Variants in ARB2A observed in about 807,000 individuals in gnomAD.
The protein encoded by ARB2A is cotranscriptional regulator ARB2A.
the ARB2A span, among the ~76,000 whole-genome samples, chr5:94,031,350 T>C: frequency 2.6e-5 from 4 of 152,114 alleles, no homozygotes; most frequent in South Asian, 6.2e-4. Flanking sequence ...AAAGAATATC[T>C]TACTAAGAAC....
At chr5:93,999,105 C>A in the ARB2A span, among the ~76,000 whole-genome samples, 1 of 151,882 alleles carries the variant, frequency 6.6e-6, no homozygotes, top group Non-Finnish European at 1.5e-5. Flanking sequence ...TGTAATTAAA[C>A]TTTATAACAT....
At chr5:93,640,208 G>C in the ARB2A span, among the ~76,000 whole-genome samples, 1 of 151,588 alleles carries the variant, frequency 6.6e-6, no homozygotes. Flanking sequence ...CAGCACTTTG[G>C]GAGACTGAGG....
At chr5:93,939,708 T>A in the ARB2A span, among the ~76,000 whole-genome samples, 1 of 152,102 alleles carries the variant, frequency 6.6e-6, no homozygotes, top group East Asian at 1.9e-4. Context: ...CTACAAATAT[T>A]AATTTTCTTC....
the ARB2A span, among the ~76,000 whole-genome samples, chr5:93,755,837 T>G: frequency 6.6e-6 from 1 of 152,150 alleles, no homozygotes; most frequent in African/African-American, 2.4e-5. Context: ...AGGAAATCTC[T>G]AGCTGAACTT....
At chr5:93,711,866 G>A in the ARB2A span, among the ~76,000 whole-genome samples, 1 of 152,226 alleles carries the variant, frequency 6.6e-6, no homozygotes, top group Non-Finnish European at 1.5e-5. Context: ...AAATTCAGTG[G>A]GAAACCAACC....
chr5:94,014,449 G>A, the ARB2A span, among the ~76,000 whole-genome samples: 3 of 152,100 alleles, frequency 2.0e-5, no homozygotes, highest in African/African-American at 7.2e-5. Context: ...AGAGAAGACT[G>A]GAATAACTAA....
At chr5:93,644,607 T>C in the ARB2A span, among the ~76,000 whole-genome samples, 3 of 152,172 alleles carry the variant, frequency 2.0e-5, no homozygotes, top group Non-Finnish European at 2.9e-5. Context: ...AAAAACAGAA[T>C]ATAAAGTATT....
At chr5:93,835,278 C>T in the ARB2A span, among the ~76,000 whole-genome samples, 1 of 152,202 alleles carries the variant, frequency 6.6e-6, no homozygotes, top group East Asian at 1.9e-4. Flanking sequence ...ATGGAATTAT[C>T]TAAACAACAT....
the ARB2A span, among the ~76,000 whole-genome samples, chr5:93,786,742 G>T: frequency 6.6e-6 from 1 of 152,114 alleles, no homozygotes; most frequent in Non-Finnish European, 1.5e-5. Context: ...TCTGCTTCTT[G>T]CATTTATTAG....
chr5:93,843,559 G>A, the ARB2A span, among the ~76,000 whole-genome samples: 1,497 of 151,802 alleles, frequency 9.9e-3, 25 homozygotes, highest in African/African-American at 0.035. Flanking sequence ...GAGTAGCTGG[G>A]ACTACAGACA....
At chr5:93,921,937 G>A in the ARB2A span, among the ~76,000 whole-genome samples, 1 of 152,072 alleles carries the variant, frequency 6.6e-6, no homozygotes, top group Admixed American at 6.6e-5. Context: ...AGACCCCCAA[G>A]AGTTCAACAC....
At chr5:94,081,298 A>G in the ARB2A span, among the ~76,000 whole-genome samples, 1 of 152,210 alleles carries the variant, frequency 6.6e-6, no homozygotes, top group Non-Finnish European at 1.5e-5. Context: ...TCAAAATATT[A>G]CACACAGAGT....
the ARB2A span, among the ~76,000 whole-genome samples, chr5:93,628,388 T>C: frequency 6.6e-6 from 1 of 152,114 alleles, no homozygotes; most frequent in Non-Finnish European, 1.5e-5. Flanking sequence ...TTTTTTAAAG[T>C]GGTAAATGAG....
chr5:93,690,339 T>C, the ARB2A span, among the ~76,000 whole-genome samples: 1 of 152,170 alleles, frequency 6.6e-6, no homozygotes, highest in African/African-American at 2.4e-5. Flanking sequence ...CAGTATGAAG[T>C]TGACCTGGGA....
At chr5:93,936,797 T>G in the ARB2A span, among the ~76,000 whole-genome samples, 2 of 152,114 alleles carry the variant, frequency 1.3e-5, no homozygotes, top group African/African-American at 4.8e-5. Context: ...GACAAAAATT[T>G]TAATATACCC....
the ARB2A span, among the ~76,000 whole-genome samples, chr5:93,994,973 T>C: frequency 6.6e-4 from 101 of 152,116 alleles, no homozygotes; most frequent in African/African-American, 2.4e-3. Context: ...ATGTAGATAC[T>C]AGTCTATTTT....
the ARB2A span, among the ~76,000 whole-genome samples, chr5:94,080,106 C>G: frequency 6.6e-6 from 1 of 151,858 alleles, no homozygotes; most frequent in Non-Finnish European, 1.5e-5. Flanking sequence ...TAATATGTAG[C>G]AGATATGGGA....
chr5:94,026,266 C>T, the ARB2A span, among the ~76,000 whole-genome samples: 42 of 152,052 alleles, frequency 2.8e-4, no homozygotes, highest in African/African-American at 9.2e-4. Context: ...TGCTTCCCGT[C>T]GTATGGGGTG....
At chr5:94,053,460 C>T in the ARB2A span, among the ~76,000 whole-genome samples, 1 of 152,092 alleles carries the variant, frequency 6.6e-6, no homozygotes, top group Non-Finnish European at 1.5e-5. Context: ...AGATTCTATA[C>T]ACCATTATAT....
Sources: gnomAD v4.1 joint callset for allele counts (sites outside exome capture counted in the v4.1 genomes callset) on GRCh38, gnomAD v4.1.1 for gene constraint, MANE v1.5 for transcripts, NCBI Gene and HGNC (gene_info 2026-07-23, HGNC 2026-07-21) for gene names.